Variants in BID observed in about 807,000 individuals in gnomAD.
BID encodes the protein BH3-interacting domain death agonist.
A neutral mutation model predicts 17.4 loss-of-function variants in BID; 19 were observed. The observed-to-expected ratio is 1.09, with a 90% CI of 0.76 to 1.60. BID has a LOEUF of 1.60. BID is among the 40% of genes most tolerant of loss of function. The pLI is 0.00. For missense variants in BID, 226 were observed against 256.0 expected (o/e 0.88, Z 0.80); for synonymous variants, 108 against 102.8 (o/e 1.05, Z -0.31).
Position 17,769,683 on chromosome 22 carries a change from G to A in BID, c.-59+4698C>T, listed in dbSNP as rs1226279840. 6.6e-6 allele frequency among the ~76,000 whole-genome samples: 1 copy of A among 152,204 alleles called. No individual in the cohort carries two copies. The highest frequency in any genetic ancestry group is 2.4e-5 in the African/African-American group (1 of 41,446). ...CATGCCTGCCTCAGTTCCGCAGCCA[G>A]GACGGTGCCTTACTGACTCCACACA... On this transcript the variant is annotated intron_variant, in intron 1 of 5. Coordinates refer to ENST00000622694, the MANE Select transcript of BID (RefSeq NM_001196.4). The surrounding 1 kb of genome is among the most constrained non-coding windows in gnomAD (Gnocchi z 4.8).
chr22:17,753,399 C>T, intron 1 of BID, among the ~76,000 whole-genome samples: 1 of 152,254 alleles, frequency 6.6e-6, no homozygotes, highest in East Asian at 1.9e-4. Flanking sequence ...ACGGCCCAGA[C>T]CCTGGGGGCC....
chr22:17,754,417 C>G (rs1318088675), intron 1 of BID, among the ~76,000 whole-genome samples: 1 of 152,266 alleles, frequency 6.6e-6, no homozygotes, highest in African/African-American at 2.4e-5. Context: ...CTCCAGGGTG[C>G]CCAGGGAGGG....
chr22:17,739,417 G>C lies in BID; in HGVS notation c.295C>G (p.Arg99Gly), dbSNP rs537058757. Residue 99 changes from arginine to glycine, a missense_variant, in exon 4 of 6, where the codon CGT (arginine) becomes GGT (glycine). Physicochemically the swap from Arg to Gly is moderately radical, Grantham distance 125. Coordinates refer to ENST00000622694, the MANE Select transcript of BID (RefSeq NM_001196.4). ...HLAQVGDSMD[R>G]SIPPGLVNGL... is the part of the protein sequence containing the mutation. ...TTCACCAGGCCCGGAGGGATGCTAC[G>C]GTCCATGCTGTCCCCGACCTGGGCG... The C allele has an allele frequency of 6.2e-7, 1 of 1,611,834 alleles. No homozygotes were observed. The highest frequency in any genetic ancestry group is 1.3e-5 in the African/African-American group (1 of 74,942).
intron 1 of BID, among the ~76,000 whole-genome samples, chr22:17,756,426 TTCTTTCTTCTTTCTTTCTTTCTTTC>T (rs1412629558): frequency 1.8e-5 from 1 of 56,282 alleles, no homozygotes; most frequent in African/African-American, 5.0e-5. Flanking sequence ...CTTTCTTTCT[TTCTTTCTTCTTTCTTTCTTTCTTTC>T]TTTCTTTCTT....
rs189325790 is a variant in BID, at chr22:17,738,543, G to A, written c.364-314C>T. ...GAGTCCAGAACTAGTGACCACCTGC[G>A]ACGCCTTAGGCCCATTTTATTGGTG... On this transcript the variant is annotated intron_variant, in intron 4 of 5. Coordinates refer to ENST00000622694, the MANE Select transcript of BID (RefSeq NM_001196.4). 5.3e-5 allele frequency among the ~76,000 whole-genome samples: 8 copies of A among 152,256 alleles called. No individual in the cohort carries two copies. The East Asian group carries it at 7.7e-4, about 15-fold the overall frequency.
chr22:17,750,004 G>A, intron 2 of BID, 101 bp downstream of exon 2: 1 of 1,203,154 alleles, frequency 8.3e-7, no homozygotes, highest in Non-Finnish European at 1.2e-6. Flanking sequence ...GGCCAGGCGG[G>A]CTCAGCCTCA....
At chr22:17,756,247 T>C (rs147520694) in intron 1 of BID, among the ~76,000 whole-genome samples, 1 of 152,282 alleles carries the variant, frequency 6.6e-6, no homozygotes, top group African/African-American at 2.4e-5. Context: ...GTTAAAACCA[T>C]TCAAAGGAGT....
intron 4 of BID, 142 bp downstream of exon 4, chr22:17,739,207 G>A (rs532955029): frequency 1.2e-5 from 13 of 1,117,040 alleles, no homozygotes; most frequent in South Asian, 3.7e-5. Flanking sequence ...CATACCCTAC[G>A]TCCAGTTACT....
At chr22:17,736,138 T>TGAA (rs2061417690) in intron 5 of BID, among the ~76,000 whole-genome samples, 1 of 152,176 alleles carries the variant, frequency 6.6e-6, no homozygotes, top group South Asian at 2.1e-4. Flanking sequence ...AACCAAAGCC[T>TGAA]GAAGTAATGC....
At chr22:17,748,348 G>C (rs1301643154) in intron 2 of BID, among the ~76,000 whole-genome samples, 1 of 127,420 alleles carries the variant, frequency 7.8e-6, no homozygotes, top group Non-Finnish European at 1.7e-5. Context: ...TCTTTACTAA[G>C]ATACAAAAAA....
intron 2 of BID, among the ~76,000 whole-genome samples, chr22:17,745,961 C>T (rs746761002): frequency 1.3e-5 from 2 of 151,482 alleles, no homozygotes; most frequent in African/African-American, 4.9e-5. Flanking sequence ...AGCCAGACTC[C>T]GTCTCAAAAC....
intron 1 of BID, among the ~76,000 whole-genome samples, chr22:17,766,591 T>C (rs1212229335): frequency 2.0e-5 from 3 of 149,944 alleles, no homozygotes; most frequent in Non-Finnish European, 3.0e-5. Flanking sequence ...CCTTTTTTGT[T>C]TGTCTGTTTG....
intron 1 of BID, among the ~76,000 whole-genome samples, chr22:17,760,302 C>A (rs770863515): frequency 1.3e-5 from 2 of 149,302 alleles, no homozygotes; most frequent in African/African-American, 2.5e-5. Flanking sequence ...AATACAAAAA[C>A]TTAGCCAGGT....
chr22:17,757,718 A>G (rs1219202724), intron 1 of BID, among the ~76,000 whole-genome samples: 1 of 151,874 alleles, frequency 6.6e-6, no homozygotes, highest in Non-Finnish European at 1.5e-5. Flanking sequence ...CAAAAAAAAA[A>G]AAAAAAGAAA....
chr22:17,761,429 C>CTT (rs57001710), intron 1 of BID, among the ~76,000 whole-genome samples: 5 of 106,320 alleles, frequency 4.7e-5, no homozygotes, highest in Admixed American at 9.9e-5. Context: ...TAATCTTTCA[C>CTT]TTTTTTTTTT....
chr22:17,773,842 C>G lies in BID; in HGVS notation c.-59+539G>C. ...GGATCCGCACATCATTGCCAGTGCTCTAAGGAGCGGGCGAGCCCCAGTAAG... is the reference window on the plus strand; with the variant it reads ...GGATCCGCACATCATTGCCAGTGCTGTAAGGAGCGGGCGAGCCCCAGTAAG... On this transcript the variant is annotated intron_variant, in intron 1 of 5. Transcript: ENST00000622694. This position sits in a 1 kb window ranked among gnomAD's most constrained non-coding sequence, Gnocchi z 4.4. The G allele has an allele frequency of 1.3e-6, 1 of 772,686 alleles. No individual in the cohort carries two copies. Among genetic ancestry groups the G allele is most frequent in the Admixed American group, 2.5e-5 (1 of 40,256 alleles). The allele number at this position is 772,686 out of a possible 1,614,324, so 47.9% of individuals were successfully genotyped here.
chr22:17,751,569 G>C (rs1486492589), intron 1 of BID, among the ~76,000 whole-genome samples: 1 of 152,132 alleles, frequency 6.6e-6, no homozygotes, highest in Non-Finnish European at 1.5e-5. Flanking sequence ...CATGGTTCCT[G>C]AATACATAGG....
rs765288306 is a variant in BID at position 17,738,124 on chromosome 22, T to TGGCCAGCAGCAG, written c.457_468dup (p.Leu153_Ala156dup). ...GACGGCGTGTGACTGGCCACCTTCTTGGCCAGCAGCAGGGCCAGCACCAGC... is the reference window on the plus strand; with the variant it reads ...GACGGCGTGTGACTGGCCACCTTCTTGGCCAGCAGCAGGGCCAGCAGCAGGGCCAGCACCAGC... On this transcript the variant is annotated inframe_insertion, in exon 5 of 6. Transcript: ENST00000622694. 6.2e-7 allele frequency: 1 copy of TGGCCAGCAGCAG among 1,614,108 alleles called. No individual in the cohort carries two copies. The highest frequency in any genetic ancestry group is 8.5e-7 in the Non-Finnish European group (1 of 1,180,028).
At chr22:17,737,065 A>G (rs2145870474) in intron 5 of BID, among the ~76,000 whole-genome samples, 1 of 152,180 alleles carries the variant, frequency 6.6e-6, no homozygotes, top group South Asian at 2.1e-4. Flanking sequence ...TTGGCCTCCC[A>G]AAGTGCTGGG....
Sources: allele counts gnomAD v4.1 joint callset (sites outside exome capture counted in the v4.1 genomes callset), GRCh38; gene constraint gnomAD v4.1.1; non-coding constraint Gnocchi (gnomAD v3.1); transcripts MANE v1.5; gene names NCBI Gene and HGNC (gene_info 2026-07-23, HGNC 2026-07-21).